Variants in GRM5 observed in about 807,000 individuals in gnomAD.
GRM5 encodes the protein metabotropic glutamate receptor 5.
GRM5 carries 19 observed loss-of-function variants against 83.1 expected under a neutral mutation model. The ratio of observed to expected loss-of-function variants is 0.23; its 90% CI spans 0.16 to 0.34. GRM5 has a LOEUF of 0.34. Among genes scored for constraint, GRM5 ranks in the 10% least tolerant of loss-of-function variants. The probability of loss-of-function intolerance (pLI) is 1.00; values close to 1 mark genes in which losing one functional copy is unlikely to be tolerated. For synonymous variants in GRM5, 675 were observed against 633.6 expected, an observed-to-expected ratio of 1.07 and a Z score of -0.98; for missense variants, 1,160 against 1,588.3, an observed-to-expected ratio of 0.73 and a Z score of 4.58.
intron 2 of GRM5, among the ~76,000 whole-genome samples, chr11:88,941,216 T>G (rs1938077734): frequency 6.6e-6 from 1 of 151,472 alleles, no homozygotes; most frequent in Non-Finnish European, 1.5e-5. Context: ...AATAAAGAAA[T>G]GCTCAAAGTC....
At position 88,509,284 on chromosome 11, in the gene GRM5, C is replaced by G; in HGVS notation, c.2947G>C (p.Ala983Pro). The G allele has an allele frequency of 2.0e-6, 3 of 1,480,314 alleles. No homozygotes were observed. Among genetic ancestry groups the G allele is most frequent in the East Asian group, 3.0e-5 (1 of 33,864 alleles). 91.7% of individuals were successfully genotyped at this position (1,480,314 alleles called of 1,614,324 possible). ...TCGGGCCCGCCTGGGCCGGCGCCTG[C>G]GCAGCCCGCACCGCCCGTGGCCCCC... ...GVGATGGAGC[A>P]GAGPGGPESP... is the part of the protein sequence containing the mutation. The change falls in exon 10 of 10, where the codon GCA becomes CCA. Residue 983 changes from alanine to proline, a missense_variant. Transcript: ENST00000305447.
intron 2 of GRM5, among the ~76,000 whole-genome samples, chr11:88,922,223 A>G (rs1352636196): frequency 6.6e-6 from 1 of 152,196 alleles, no homozygotes; most frequent in Non-Finnish European, 1.5e-5. Context: ...TCACATAAGT[A>G]GAAAAAGTAT....
intron 3 of GRM5, among the ~76,000 whole-genome samples, chr11:88,714,916 T>A (rs1438183669): frequency 6.6e-6 from 1 of 151,928 alleles, no homozygotes; most frequent in Non-Finnish European, 1.5e-5. Flanking sequence ...GACCCTAACC[T>A]CTGACTGAGT....
chr11:89,010,623 GACA>G (rs990735850), intron 2 of GRM5, among the ~76,000 whole-genome samples: 4 of 151,532 alleles, frequency 2.6e-5, no homozygotes, highest in African/African-American at 4.9e-5. Context: ...TAAAATTATA[GACA>G]ACATGTTATT....
Position 88,991,397 on chromosome 11 carries a change from T to A in GRM5, c.661+55815A>T, listed in dbSNP as rs572179495. Among the ~76,000 whole-genome samples the A allele has an allele frequency of 3.6e-3, 548 of 152,076 alleles. 6 individuals carry two copies. The highest frequency in any genetic ancestry group is 0.013 in the African/African-American group (530 of 41,352). ...CAAATGGAATAACATTCCATGCTCATGGGTAGGAAGAATCAATATCGTGAA... is the reference window on the plus strand; with the variant it reads ...CAAATGGAATAACATTCCATGCTCAAGGGTAGGAAGAATCAATATCGTGAA... On this transcript the variant is annotated intron_variant, in intron 2 of 9. Coordinates refer to ENST00000305447, the MANE Select transcript of GRM5 (RefSeq NM_001143831.3).
At chr11:88,784,113 T>G (rs1943023437) in intron 3 of GRM5, among the ~76,000 whole-genome samples, 1 of 152,084 alleles carries the variant, frequency 6.6e-6, no homozygotes. Context: ...ATCTTCCATA[T>G]TCTGTCCTCT....
chr11:88,741,682 T>C (rs1382923080), intron 3 of GRM5, among the ~76,000 whole-genome samples: 5 of 151,870 alleles, frequency 3.3e-5, no homozygotes, highest in Admixed American at 3.3e-4. Flanking sequence ...TCTTCAATAA[T>C]ATATGCAAGA....
intron 3 of GRM5, among the ~76,000 whole-genome samples, chr11:88,656,950 G>A (rs1054824379): frequency 3.3e-5 from 5 of 152,034 alleles, no homozygotes; most frequent in African/African-American, 1.2e-4. Flanking sequence ...TTAGATTTTG[G>A]TATTGGTGGG....
In GRM5 at chr11:89,063,483, C is replaced by G. The variant is rs1340478454; in HGVS notation, c.-201+2293G>C. 2.0e-5 allele frequency: 3 copies of G among 152,590 alleles called. No individual in the cohort carries two copies. The South Asian group carries it at 6.2e-4, about 32-fold the overall frequency. 9.5% of individuals were successfully genotyped at this position (152,590 alleles called of 1,614,324 possible). On this transcript the variant is annotated intron_variant, in intron 1 of 9. Transcript: ENST00000305447. ...ACACAGACACTTAGCAAGCTTACCC[C>G]CCTGTTGGCTGCGCTGCGAGCAGTG... is the stretch of plus-strand genomic sequence containing the variant.
intron 7 of GRM5, among the ~76,000 whole-genome samples, chr11:88,582,108 T>C (rs949096763): frequency 2.0e-5 from 3 of 152,188 alleles, no homozygotes; most frequent in Admixed American, 6.6e-5. Flanking sequence ...AATTGGTTCC[T>C]ACACTATGGC....
At chr11:88,986,477 A>G (rs1294212256) in intron 2 of GRM5, among the ~76,000 whole-genome samples, 1 of 152,092 alleles carries the variant, frequency 6.6e-6, no homozygotes, top group Non-Finnish European at 1.5e-5. Context: ...TTGCATTTGT[A>G]TATTTTCTTT....
At chr11:89,032,062 A>G (rs1383276626) in intron 2 of GRM5, among the ~76,000 whole-genome samples, 1 of 152,086 alleles carries the variant, frequency 6.6e-6, no homozygotes, top group African/African-American at 2.4e-5. Context: ...ATTTGCATAA[A>G]TATTTTATGT....
intron 3 of GRM5, among the ~76,000 whole-genome samples, chr11:88,654,016 C>T (rs1367980922): frequency 6.6e-6 from 1 of 151,952 alleles, no homozygotes; most frequent in Non-Finnish European, 1.5e-5. Context: ...ATTTTCTATC[C>T]CATGGAATCT....
chr11:88,939,945 A>G (rs1429122598), intron 2 of GRM5, among the ~76,000 whole-genome samples: 2 of 151,916 alleles, frequency 1.3e-5, no homozygotes, highest in Non-Finnish European at 2.9e-5. Context: ...TAGTTGAAAG[A>G]TCAAAGTATA....
intron 4 of GRM5, among the ~76,000 whole-genome samples, chr11:88,626,815 A>G (rs1156491921): frequency 6.6e-6 from 1 of 152,196 alleles, no homozygotes; most frequent in African/African-American, 2.4e-5. Flanking sequence ...GATAAAGAAG[A>G]TACAAAAAAA....
chr11:88,615,126 T>C (rs991000723), intron 4 of GRM5, among the ~76,000 whole-genome samples: 23 of 152,098 alleles, frequency 1.5e-4, no homozygotes, highest in African/African-American at 4.8e-4. Flanking sequence ...CACAGTTCAT[T>C]AAATCTTTTG....
At chr11:89,020,715 A>G (rs940606577) in intron 2 of GRM5, among the ~76,000 whole-genome samples, 2 of 152,160 alleles carry the variant, frequency 1.3e-5, no homozygotes, top group Non-Finnish European at 2.9e-5. Context: ...TCCCTGTGAG[A>G]CCATTCATTA....
chr11:88,550,654 G>A (rs991678720), intron 8 of GRM5, among the ~76,000 whole-genome samples: 3 of 151,204 alleles, frequency 2.0e-5, no homozygotes, highest in Admixed American at 6.6e-5. Flanking sequence ...AACTGATAAG[G>A]GAGTGGGGGG....
chr11:89,050,518 T>C (rs1327427722), intron 1 of GRM5, among the ~76,000 whole-genome samples: 1 of 152,208 alleles, frequency 6.6e-6, no homozygotes, highest in African/African-American at 2.4e-5. Context: ...TTTCTGTCTT[T>C]AGGTCTTTGA....
Sources: allele counts gnomAD v4.1 joint callset (sites outside exome capture counted in the v4.1 genomes callset), GRCh38; gene constraint gnomAD v4.1.1; transcripts MANE v1.5; gene names NCBI Gene and HGNC (gene_info 2026-07-23, HGNC 2026-07-21).